LRRC7: variants seen among roughly 807,000 people sequenced by gnomAD.
LRRC7 encodes the protein leucine rich repeat containing 7, also known as leucine-rich repeat-containing protein 7.
A neutral mutation model predicts 175.7 loss-of-function variants in LRRC7; 23 were observed. That is an observed-to-expected ratio of 0.13 (90% CI 0.09 to 0.19). The LOEUF (loss-of-function observed/expected upper bound fraction) is 0.19. Ranked by LOEUF, LRRC7 falls within the 10% of genes least tolerant of loss-of-function variation. The pLI, the probability that LRRC7 is intolerant of heterozygous loss-of-function variation, is 1.00. For synonymous variants in LRRC7, 685 were observed against 680.9 expected (o/e 1.01, Z -0.09); for missense variants, 1,354 against 1,904.7 (o/e 0.71, Z 5.38).
chr1:69,961,560 C>T lies in LRRC7; in HGVS notation c.712-18819C>T, dbSNP rs142802233. Among the ~76,000 whole-genome samples, 438 of 152,310 alleles carry T rather than the reference C, an allele frequency of 2.9e-3. 1 individual carries two copies. Among genetic ancestry groups the T allele is most frequent in the African/African-American group, 9.6e-3 (398 of 41,572 alleles). On this transcript the variant is annotated intron_variant, in intron 8 of 26. Transcript: ENST00000651989. ...GCAGAAAGAACAAAGCTGGAGGCAT[C>T]ATGCTACCTGACCTTAAACTATGCT...
chr1:70,079,093 C>A (rs986690793), intron 24 of LRRC7, among the ~76,000 whole-genome samples: 1 of 152,018 alleles, frequency 6.6e-6, no homozygotes, highest in African/African-American at 2.4e-5. Flanking sequence ...AAAATTGAGA[C>A]CTTTTTAATA....
intron 17 of LRRC7, among the ~76,000 whole-genome samples, chr1:70,026,970 A>G (rs1259925726): frequency 6.6e-6 from 1 of 152,102 alleles, no homozygotes; most frequent in Non-Finnish European, 1.5e-5. Flanking sequence ...CTATATCACC[A>G]TCATAGTTTC....
intron 7 of LRRC7, chr1:69,919,396 C>G (rs1646813334): frequency 3.0e-6 from 2 of 660,668 alleles, no homozygotes; most frequent in African/African-American, 1.8e-5. Flanking sequence ...CTGGGAAAAG[C>G]GCATGAGCCG....
intron 1 of LRRC7, among the ~76,000 whole-genome samples, chr1:69,661,740 T>C (rs1012423182): frequency 3.3e-5 from 5 of 152,150 alleles, no homozygotes; most frequent in African/African-American, 1.2e-4. Context: ...TGGTCTTTAC[T>C]TCCCCAGATT....
intron 4 of LRRC7, among the ~76,000 whole-genome samples, chr1:69,815,642 A>T (rs564891787): frequency 6.6e-6 from 1 of 152,312 alleles, no homozygotes; most frequent in African/African-American, 2.4e-5. Flanking sequence ...GAACTTAGAG[A>T]ATATGGCTTT....
chr1:69,807,214 A>G (rs1351072544), intron 4 of LRRC7, among the ~76,000 whole-genome samples: 1 of 151,980 alleles, frequency 6.6e-6, no homozygotes, highest in African/African-American at 2.4e-5. Flanking sequence ...GGGTCTCCTG[A>G]ATACAGCACC....
chr1:69,834,680 G>A lies in LRRC7; in HGVS notation c.501-100G>A, dbSNP rs1031004552. The A allele has an allele frequency of 8.0e-5, 74 of 919,470 alleles. No individual in the cohort carries two copies. In the Middle Eastern group the frequency reaches 1.3e-3, roughly 16 times the overall value. The allele number at this position is 919,470 out of a possible 1,614,324, so 57.0% of individuals were successfully genotyped here. ...TAATACCAAAGGAGAGTTGAAAAAT[G>A]TATTACATTTCTATTTTTTCTCCTC... On this transcript the variant is annotated intron_variant, in intron 5 of 26. Coordinates refer to ENST00000651989, the MANE Select transcript of LRRC7 (RefSeq NM_001370785.2).
rs770637610 is a variant in LRRC7, at chr1:70,039,071, G to A, written c.3247G>A (p.Glu1083Lys). The A allele has an allele frequency of 7.4e-6, 12 of 1,614,060 alleles. No homozygotes were observed. Among genetic ancestry groups the A allele is most frequent in the African/African-American group, 4.0e-5 (3 of 75,030 alleles). The change falls in exon 21 of 27, where the codon GAA (glutamate) becomes AAA (lysine). Residue 1083 changes from glutamate to lysine, a missense_variant. This residue lies in a region of LRRC7 where 1,032 missense variants were observed against 1,227.2 expected (regional missense o/e 0.84). Coordinates refer to ENST00000651989, the MANE Select transcript of LRRC7 (RefSeq NM_001370785.2). ...NPQGSVEVKAEKRIPPPFQHN... is the reference protein window; with the variant it reads ...NPQGSVEVKAKKRIPPPFQHN... Reference sequence around the variant, plus strand: ...TCAAGGATCAGTGGAAGTGAAAGCCGAAAAGAGGATACCACCCCCTTTTCA... The same window carrying A: ...TCAAGGATCAGTGGAAGTGAAAGCCAAAAAGAGGATACCACCCCCTTTTCA...
At chr1:69,788,322 A>G (rs1341532898) in intron 3 of LRRC7, among the ~76,000 whole-genome samples, 1 of 152,188 alleles carries the variant, frequency 6.6e-6, no homozygotes, top group Non-Finnish European at 1.5e-5. Flanking sequence ...ATCAGAGCTC[A>G]TTTTATACAA....
chr1:69,820,801 G>A (rs6424596), intron 4 of LRRC7, among the ~76,000 whole-genome samples: 57,400 of 152,046 alleles, frequency 0.38, 12,668 homozygotes, highest in East Asian at 0.54. Flanking sequence ...TTGCTATTGC[G>A]AACAGTGCTG....
Position 69,762,375 on chromosome 1 carries a change from C to T in LRRC7, c.303+1982C>T, listed in dbSNP as rs561537065. 3.3e-5 allele frequency among the ~76,000 whole-genome samples: 5 copies of T among 151,982 alleles called. No individual in the cohort carries two copies. In the South Asian group the frequency reaches 6.2e-4, roughly 19 times the overall value. On this transcript the variant is annotated intron_variant, in intron 3 of 26. Transcript: ENST00000651989. The stretch of plus-strand genomic sequence containing the variant: ...ACCTAATTACAGAGAAAAACTGAAG[C>T]ATTAGAGGCAAGTGCTCGGTGATGT...
At chr1:69,757,355 G>A (rs1444098934) in intron 2 of LRRC7, among the ~76,000 whole-genome samples, 1 of 151,916 alleles carries the variant, frequency 6.6e-6, no homozygotes, top group Non-Finnish European at 1.5e-5. Flanking sequence ...AATTACCTTA[G>A]GGGAGAACCA....
intron 4 of LRRC7, among the ~76,000 whole-genome samples, chr1:69,795,887 A>C (rs1675679350): frequency 6.6e-6 from 1 of 151,220 alleles, no homozygotes; most frequent in South Asian, 2.1e-4. Context: ...TATCTGCACA[A>C]TTTGAGTAAA....
intron 1 of LRRC7, among the ~76,000 whole-genome samples, chr1:69,582,342 C>T (rs1480600087): frequency 1.3e-5 from 2 of 152,184 alleles, no homozygotes; most frequent in Non-Finnish European, 2.9e-5. Flanking sequence ...CCCCTACAGA[C>T]CTGTGGAACA....
At chr1:69,931,429 A>C (rs1181583871) in intron 7 of LRRC7, 78 bp from the exon 8 acceptor site, 1 of 1,124,986 alleles carries the variant, frequency 8.9e-7, no homozygotes, top group Non-Finnish European at 1.3e-6. Context: ...TAAATCTGAC[A>C]GGAAGGTGGT....
chr1:69,595,635 G>A (rs1230151057), intron 1 of LRRC7, among the ~76,000 whole-genome samples: 1 of 152,088 alleles, frequency 6.6e-6, no homozygotes, highest in African/African-American at 2.4e-5. Context: ...TTTCCTAACT[G>A]TGCTAATGGA....
intron 7 of LRRC7, chr1:69,874,415 T>C (rs1044890829): frequency 6.6e-6 from 1 of 152,160 alleles, no homozygotes. Flanking sequence ...TGATGCCTAA[T>C]GCAGTACAGC....
chr1:69,805,665 G>A (rs1418407809), intron 4 of LRRC7, among the ~76,000 whole-genome samples: 1 of 151,778 alleles, frequency 6.6e-6, no homozygotes, highest in Admixed American at 6.6e-5. Flanking sequence ...GTAAACTGAG[G>A]ATTGACTCCT....
At chr1:70,106,119 A>G (rs1469214879) in intron 25 of LRRC7, among the ~76,000 whole-genome samples, 5 of 152,194 alleles carry the variant, frequency 3.3e-5, no homozygotes, top group African/African-American at 1.2e-4. Context: ...CTTCTATTTT[A>G]TTAATAATGC....
Sources: allele counts gnomAD v4.1 joint callset (sites outside exome capture counted in the v4.1 genomes callset), GRCh38; gene constraint gnomAD v4.1.1; regional missense constraint gnomAD v4.1.1; transcripts MANE v1.5; gene names NCBI Gene and HGNC (gene_info 2026-07-23, HGNC 2026-07-21).